The following CPPED1 variants were observed in gnomAD, a reference collection of about 807,000 sequenced individuals.
CPPED1 encodes calcineurin like phosphoesterase domain containing 1.
CPPED1 carries 28 observed loss-of-function variants against 28.0 expected under a neutral mutation model. The observed-to-expected ratio is 1.00, with a 90% CI of 0.74 to 1.37. The LOEUF (loss-of-function observed/expected upper bound fraction) is 1.37. Ranked by LOEUF, CPPED1 falls within the 40% of genes most tolerant of loss-of-function variation. CPPED1 has a pLI of 0.00. For synonymous variants in CPPED1, 198 were observed against 180.2 expected, an observed-to-expected ratio of 1.10 and a Z score of -0.79; for missense variants, 504 against 416.5, an observed-to-expected ratio of 1.21 and a Z score of -1.83.
chr16:12,686,386 T>C (rs58386512), intron 3 of CPPED1, among the ~76,000 whole-genome samples: 2,269 of 152,244 alleles, frequency 0.015, 49 homozygotes, highest in African/African-American at 0.051. Context: ...TGTGAACAAA[T>C]ACTATGTAAG....
At chr16:12,688,368 T>C (rs2079944467) in intron 3 of CPPED1, among the ~76,000 whole-genome samples, 1 of 149,856 alleles carries the variant, frequency 6.7e-6, no homozygotes, top group Non-Finnish European at 1.5e-5. Flanking sequence ...AGTTTCGCTC[T>C]GTCACCCAGG....
At chr16:12,740,619 G>T (rs1279301487) in intron 2 of CPPED1, among the ~76,000 whole-genome samples, 1 of 152,112 alleles carries the variant, frequency 6.6e-6, no homozygotes, top group Non-Finnish European at 1.5e-5. Context: ...TATTATTAGC[G>T]TTACAAAGAA....
At chr16:12,778,277 C>CTTTCTTTTTT (rs1555491003) in intron 2 of CPPED1, among the ~76,000 whole-genome samples, 1 of 116,162 alleles carries the variant, frequency 8.6e-6, no homozygotes, top group African/African-American at 3.4e-5. Context: ...TTCTTTCTTT[C>CTTTCTTTTTT]TTTTTTTTTT....
At chr16:12,792,244 T>C (rs1340624616) in intron 1 of CPPED1, among the ~76,000 whole-genome samples, 3 of 152,164 alleles carry the variant, frequency 2.0e-5, no homozygotes, top group Non-Finnish European at 4.4e-5. Context: ...TGAACCGCTA[T>C]GCCTGGCCTC....
At chr16:12,772,173 G>C (rs1220415609) in intron 2 of CPPED1, among the ~76,000 whole-genome samples, 1 of 152,264 alleles carries the variant, frequency 6.6e-6, no homozygotes, top group Non-Finnish European at 1.5e-5. Flanking sequence ...AGTGAGGAAG[G>C]AGTGTTGATG....
intron 1 of CPPED1, among the ~76,000 whole-genome samples, chr16:12,783,363 G>C (rs1167119949): frequency 6.6e-6 from 1 of 152,028 alleles, no homozygotes; most frequent in Non-Finnish European, 1.5e-5. Flanking sequence ...GCTGGATGTG[G>C]TGGTGCATCC....
At chr16:12,701,154 A>T (rs940128461) in intron 3 of CPPED1, among the ~76,000 whole-genome samples, 1 of 151,706 alleles carries the variant, frequency 6.6e-6, no homozygotes, top group African/African-American at 2.4e-5. Flanking sequence ...ACTTGAGCCC[A>T]GGAATCCAGG....
At chr16:12,766,100 G>A (rs2080436318) in intron 2 of CPPED1, among the ~76,000 whole-genome samples, 1 of 151,924 alleles carries the variant, frequency 6.6e-6, no homozygotes, top group African/African-American at 2.4e-5. Context: ...TTTGCCAGGG[G>A]ATTGTGCAAA....
chr16:12,703,523 A>G (rs1372867420), intron 3 of CPPED1, among the ~76,000 whole-genome samples: 2 of 152,138 alleles, frequency 1.3e-5, no homozygotes, highest in African/African-American at 4.8e-5. Flanking sequence ...CTCTACTAAA[A>G]GTACAAAAAT....
intron 3 of CPPED1, among the ~76,000 whole-genome samples, chr16:12,668,519 G>A (rs1055700297): frequency 2.0e-5 from 3 of 152,136 alleles, no homozygotes; most frequent in Non-Finnish European, 2.9e-5. Flanking sequence ...ACCAACTTTT[G>A]TGCTCCCAAA....
At chr16:12,733,274 A>ATTT (rs11463007) in intron 2 of CPPED1, among the ~76,000 whole-genome samples, 9 of 139,274 alleles carry the variant, frequency 6.5e-5, no homozygotes, top group Middle Eastern at 7.4e-3. Flanking sequence ...CGAATTAGGA[A>ATTT]TTTTTTTTTT....
At chr16:12,729,170 G>A (rs1264963445) in intron 2 of CPPED1, among the ~76,000 whole-genome samples, 1 of 152,090 alleles carries the variant, frequency 6.6e-6, no homozygotes, top group Non-Finnish European at 1.5e-5. Flanking sequence ...GGGAAAACCT[G>A]ATCTGACATC....
intron 2 of CPPED1, among the ~76,000 whole-genome samples, chr16:12,746,795 T>C (rs1237241418): frequency 1.3e-5 from 2 of 152,124 alleles, no homozygotes; most frequent in Non-Finnish European, 2.9e-5. Context: ...GGGTCTTATG[T>C]AATACGCAAA....
At chr16:12,741,723 G>A (rs2080256740) in intron 2 of CPPED1, among the ~76,000 whole-genome samples, 1 of 152,144 alleles carries the variant, frequency 6.6e-6, no homozygotes, top group Admixed American at 6.5e-5. Context: ...CTATGTGCGT[G>A]CCTCTCTCCT....
rs540102241 is a variant in CPPED1, at chr16:12,724,998, G to A, written c.290-19949C>T. Among the ~76,000 whole-genome samples, 7 of 152,092 alleles carry A rather than the reference G, an allele frequency of 4.6e-5. No homozygotes were observed. In the South Asian group the frequency reaches 1.5e-3, roughly 32 times the overall value. On this transcript the variant is annotated intron_variant, in intron 2 of 3. Transcript: ENST00000381774. ...AGACGGGGTTGCACTGTGTTAGCCA[G>A]GATAGTCTCGATCTCCTGACCTCGT...
intron 2 of CPPED1, among the ~76,000 whole-genome samples, chr16:12,751,491 T>C (rs563189991): frequency 2.8e-4 from 42 of 152,324 alleles, no homozygotes; most frequent in Middle Eastern, 3.4e-3. Flanking sequence ...TACTGACCTT[T>C]CCTCCTTCGT....
chr16:12,747,422 C>G (rs1268790500), intron 2 of CPPED1, among the ~76,000 whole-genome samples: 2 of 138,440 alleles, frequency 1.4e-5, no homozygotes, highest in Non-Finnish European at 3.1e-5. Context: ...AAAAGGGGGA[C>G]TCTGTTTTAA....
intron 2 of CPPED1, among the ~76,000 whole-genome samples, chr16:12,755,359 G>A (rs994616576): frequency 4.1e-5 from 6 of 144,784 alleles, no homozygotes; most frequent in African/African-American, 1.5e-4. Context: ...ATAGCTCACT[G>A]CAGCCTTGAC....
At chr16:12,691,444 C>A (rs2079962253) in intron 3 of CPPED1, among the ~76,000 whole-genome samples, 1 of 152,056 alleles carries the variant, frequency 6.6e-6, no homozygotes, top group African/African-American at 2.4e-5. Context: ...ACAATTTGAC[C>A]CAGCCGTCCC....
Sources: gnomAD v4.1 joint callset for allele counts (sites outside exome capture counted in the v4.1 genomes callset) on GRCh38, gnomAD v4.1.1 for gene constraint, MANE v1.5 for transcripts, NCBI Gene and HGNC (gene_info 2026-07-23, HGNC 2026-07-21) for gene names.